KCTD16: variants seen among roughly 807,000 people sequenced by gnomAD.
The protein encoded by KCTD16 is potassium channel tetramerization domain containing 16, also known as BTB/POZ domain-containing protein KCTD16.
KCTD16 carries 13 observed loss-of-function variants against 33.2 expected under a neutral mutation model. The observed-to-expected ratio is 0.39, with a 90% CI of 0.25 to 0.62. The LOEUF (loss-of-function observed/expected upper bound fraction) is 0.62. KCTD16 is among the 20% of genes least tolerant of loss of function. KCTD16 has a pLI of 0.50. For missense variants in KCTD16, 441 were observed against 525.1 expected, an observed-to-expected ratio of 0.84 and a Z score of 1.57; for synonymous variants, 197 against 195.3, an observed-to-expected ratio of 1.01 and a Z score of -0.07.
intron 3 of KCTD16, among the ~76,000 whole-genome samples, chr5:144,371,484 CTT>C (rs1194037192): frequency 6.6e-6 from 1 of 152,122 alleles, no homozygotes; most frequent in Non-Finnish European, 1.5e-5. Flanking sequence ...CTGTGTCTCT[CTT>C]GTAAGATGAG....
At chr5:144,390,437 G>A (rs575171007) in intron 3 of KCTD16, among the ~76,000 whole-genome samples, 2 of 152,242 alleles carry the variant, frequency 1.3e-5, no homozygotes, top group East Asian at 3.9e-4. Context: ...GGGAGCTGGG[G>A]GGTCAGGCTC....
chr5:144,447,108 G>A (rs534135501), intron 3 of KCTD16, among the ~76,000 whole-genome samples: 13 of 152,190 alleles, frequency 8.5e-5, no homozygotes, highest in South Asian at 4.1e-4. Context: ...GCATAAACAC[G>A]TATGTTTATT....
chr5:144,359,655 G>A (rs1211941795), intron 3 of KCTD16, among the ~76,000 whole-genome samples: 2 of 150,876 alleles, frequency 1.3e-5, no homozygotes, highest in Non-Finnish European at 3.0e-5. Context: ...CATAACTGGG[G>A]ATGGGGTGCT....
intron 3 of KCTD16, among the ~76,000 whole-genome samples, chr5:144,460,967 T>G (rs996913071): frequency 6.6e-6 from 1 of 152,188 alleles, no homozygotes; most frequent in Non-Finnish European, 1.5e-5. Flanking sequence ...TCTCAAATCT[T>G]TGTCAGAATG....
chr5:144,204,379 C>T (rs1753113323), intron 2 of KCTD16, among the ~76,000 whole-genome samples: 1 of 152,184 alleles, frequency 6.6e-6, no homozygotes, highest in African/African-American at 2.4e-5. Flanking sequence ...GGCCGACTTA[C>T]TGTAAGCTGT....
At chr5:144,235,377 A>C (rs1486227868) in intron 3 of KCTD16, among the ~76,000 whole-genome samples, 1 of 152,064 alleles carries the variant, frequency 6.6e-6, no homozygotes, top group Non-Finnish European at 1.5e-5. Context: ...AGTTTGAATG[A>C]GTTTGCTGAG....
At position 144,475,623 on chromosome 5, in the gene KCTD16, C is replaced by T. The variant is rs1754577969; in HGVS notation, c.*1509C>T. On this transcript the variant is annotated 3_prime_UTR_variant, in exon 4 of 4. Transcript: ENST00000512467. The stretch of plus-strand genomic sequence containing the variant: ...CAGTGGTAACCAAAAAATAATTTGT[C>T]AATTAATAGTTGTGTGCCAAGCACT... The T allele has an allele frequency of 6.6e-6, 1 of 152,530 alleles. No individual in the cohort carries two copies. The highest frequency in any genetic ancestry group is 1.5e-5 in the Non-Finnish European group (1 of 68,016). The allele number at this position is 152,530 out of a possible 1,614,324, so 9.4% of individuals were successfully genotyped here. A position where few individuals can be genotyped will look rare whatever the true frequency, so the allele number is the denominator to read the frequency against.
chr5:144,432,571 A>G (rs1171407898), intron 3 of KCTD16, among the ~76,000 whole-genome samples: 1 of 152,166 alleles, frequency 6.6e-6, no homozygotes, highest in African/African-American at 2.4e-5. Context: ...ACACCTGGGC[A>G]AGACTGAATG....
intron 3 of KCTD16, among the ~76,000 whole-genome samples, chr5:144,229,270 A>T (rs1047882707): frequency 1.3e-5 from 2 of 152,188 alleles, no homozygotes; most frequent in Non-Finnish European, 2.9e-5. Context: ...CAGTGAAGAC[A>T]TGAAGGAGAG....
chr5:144,389,520 A>T (rs544316957), intron 3 of KCTD16, among the ~76,000 whole-genome samples: 5 of 152,068 alleles, frequency 3.3e-5, no homozygotes, highest in South Asian at 2.1e-4. Flanking sequence ...CTAGTTGCAG[A>T]AAAGCAAGTT....
chr5:144,465,577 G>T (rs538948858), intron 3 of KCTD16, among the ~76,000 whole-genome samples: 4 of 150,848 alleles, frequency 2.7e-5, no homozygotes, highest in South Asian at 4.2e-4. Flanking sequence ...GTGTAGGTCT[G>T]CCAGCACTGA....
Position 144,478,503 on chromosome 5 carries a change from T to A in KCTD16, c.*4389T>A, listed in dbSNP as rs573936344. Reference sequence around the variant, plus strand: ...TTGCAAACTTTTTAATAGTGTTTTTTAATACTCAGTATGCACAAAAATCAT... The same window carrying A: ...TTGCAAACTTTTTAATAGTGTTTTTAAATACTCAGTATGCACAAAAATCAT... On this transcript the variant is annotated 3_prime_UTR_variant, in exon 4 of 4. Coordinates refer to ENST00000512467, the MANE Select transcript of KCTD16 (RefSeq NM_020768.4). The A allele has an allele frequency of 1.3e-5, 2 of 152,178 alleles. No homozygotes were observed. Among genetic ancestry groups the A allele is most frequent in the South Asian group, 4.1e-4 (2 of 4,832 alleles). The allele number at this position is 152,178 out of a possible 1,614,324, so 9.4% of individuals were successfully genotyped here.
At chr5:144,185,803 A>G (rs971919366) in intron 2 of KCTD16, among the ~76,000 whole-genome samples, 1 of 152,214 alleles carries the variant, frequency 6.6e-6, no homozygotes, top group Non-Finnish European at 1.5e-5. Flanking sequence ...TAATAAAAAG[A>G]TAATAACAAT....
chr5:144,203,990 A>G (rs75277163), intron 2 of KCTD16, among the ~76,000 whole-genome samples: 265 of 152,336 alleles, frequency 1.7e-3, no homozygotes, highest in African/African-American at 5.8e-3. Context: ...TTAAAATCCT[A>G]ATGATTGAGG....
At chr5:144,375,431 A>G (rs897456972) in intron 3 of KCTD16, among the ~76,000 whole-genome samples, 1 of 152,172 alleles carries the variant, frequency 6.6e-6, no homozygotes, top group Non-Finnish European at 1.5e-5. Flanking sequence ...ATATAAAAAC[A>G]TGAGAAAAAG....
At chr5:144,171,480 A>G (rs1244312889) in intron 1 of KCTD16, among the ~76,000 whole-genome samples, 1 of 152,214 alleles carries the variant, frequency 6.6e-6, no homozygotes, top group Admixed American at 6.5e-5. Flanking sequence ...ATTTTGAGTC[A>G]GGATGTTTCT....
rs1754573501 is a variant in KCTD16, at chr5:144,475,428, A to G, written c.*1314A>G. The G allele has an allele frequency of 6.6e-6, 1 of 152,398 alleles. No homozygotes were observed. The highest frequency in any genetic ancestry group is 2.4e-5 in the African/African-American group (1 of 41,444). 9.4% of individuals were successfully genotyped at this position (152,398 alleles called of 1,614,324 possible). ...AGGTTTCAGATTTCTAAATGAAACT[A>G]TCTTTTTCAATTACATCCTGACTTG... On this transcript the variant is annotated 3_prime_UTR_variant, in exon 4 of 4. Coordinates refer to ENST00000512467, the MANE Select transcript of KCTD16 (RefSeq NM_020768.4).
chr5:144,307,940 G>A (rs1751652571), intron 3 of KCTD16, among the ~76,000 whole-genome samples: 1 of 152,184 alleles, frequency 6.6e-6, no homozygotes, highest in Non-Finnish European at 1.5e-5. Flanking sequence ...CAAAGGTGAT[G>A]TGTTGGATGC....
At chr5:144,369,563 A>C (rs1245850068) in intron 3 of KCTD16, 2 of 152,216 alleles carry the variant, frequency 1.3e-5, no homozygotes, top group African/African-American at 4.8e-5. Flanking sequence ...ATTGAGTCAC[A>C]ATTAAGGAAT....
Sources: gnomAD v4.1 joint callset for allele counts (sites outside exome capture counted in the v4.1 genomes callset) on GRCh38, gnomAD v4.1.1 for gene constraint, MANE v1.5 for transcripts, NCBI Gene and HGNC (gene_info 2026-07-23, HGNC 2026-07-21) for gene names.